Variants in CTNNA3 observed in about 807,000 individuals in gnomAD.
CTNNA3 encodes the protein catenin alpha 3.
Under a neutral mutation model 95.7 loss-of-function variants are expected in CTNNA3, and 76 were observed. The observed-to-expected ratio is 0.79, with a 90% CI of 0.66 to 0.96. The LOEUF (loss-of-function observed/expected upper bound fraction) is 0.96. Ranked by LOEUF, CTNNA3 falls within the 40% of genes least tolerant of loss-of-function variation. The probability of loss-of-function intolerance (pLI) is 0.00; values close to 1 mark genes in which losing one functional copy is unlikely to be tolerated. For missense variants in CTNNA3, 1,191 were observed against 1,089.8 expected (o/e 1.09, Z -1.31); for synonymous variants, 431 against 374.4 (o/e 1.15, Z -1.74).
At chr10:66,872,777 T>C (rs1228030059) in intron 7 of CTNNA3, among the ~76,000 whole-genome samples, 1 of 152,064 alleles carries the variant, frequency 6.6e-6, no homozygotes, top group Non-Finnish European at 1.5e-5. Flanking sequence ...ATCTAGGGTG[T>C]GGATATTCCT....
At chr10:66,027,525 T>C (rs1036109740) in intron 15 of CTNNA3, among the ~76,000 whole-genome samples, 4 of 152,200 alleles carry the variant, frequency 2.6e-5, no homozygotes, top group East Asian at 1.9e-4. Flanking sequence ...ATTTTTCATC[T>C]TGTGAATGCT....
intron 7 of CTNNA3, among the ~76,000 whole-genome samples, chr10:66,930,288 G>C (rs1847301790): frequency 6.6e-6 from 1 of 152,122 alleles, no homozygotes; most frequent in Non-Finnish European, 1.5e-5. Flanking sequence ...ATGAATAATT[G>C]TTGAATATAC....
At chr10:66,065,438 CT>C (rs1469742460) in intron 15 of CTNNA3, among the ~76,000 whole-genome samples, 1 of 152,064 alleles carries the variant, frequency 6.6e-6, no homozygotes, top group African/African-American at 2.4e-5. Context: ...CCTTGAGTCT[CT>C]TTGTTTTTTG....
At chr10:66,092,653 C>T (rs986397446) in intron 14 of CTNNA3, among the ~76,000 whole-genome samples, 1 of 151,872 alleles carries the variant, frequency 6.6e-6, no homozygotes, top group African/African-American at 2.4e-5. Context: ...TAAATTCATG[C>T]CTTGGTGGCA....
chr10:66,976,196 AATT>A (rs1850020689), intron 7 of CTNNA3, among the ~76,000 whole-genome samples: 1 of 152,204 alleles, frequency 6.6e-6, no homozygotes, highest in African/African-American at 2.4e-5. Flanking sequence ...CTCATGAAAT[AATT>A]ATAAGTATTT....
At chr10:67,155,430 TGTTAA>T (rs772892611) in intron 7 of CTNNA3, among the ~76,000 whole-genome samples, 3 of 152,326 alleles carry the variant, frequency 2.0e-5, no homozygotes, top group South Asian at 2.1e-4. Flanking sequence ...GCCAAAGAAA[TGTTAA>T]GTTATCATTA....
At chr10:66,457,884 G>A (rs541291237) in intron 11 of CTNNA3, among the ~76,000 whole-genome samples, 1 of 152,178 alleles carries the variant, frequency 6.6e-6, no homozygotes, top group South Asian at 2.1e-4. Flanking sequence ...AGAGCCTCAG[G>A]CCTCTTCAAA....
chr10:66,331,133 T>C (rs1225151635), intron 12 of CTNNA3, among the ~76,000 whole-genome samples: 1 of 151,942 alleles, frequency 6.6e-6, no homozygotes, highest in East Asian at 1.9e-4. Context: ...AGACATGAAG[T>C]CCTTGCCCAT....
In CTNNA3 at chr10:66,095,735, T is replaced by G. The variant is rs535586784; in HGVS notation, c.1977+7422A>C. Among the ~76,000 whole-genome samples the G allele has an allele frequency of 2.1e-4, 32 of 152,202 alleles. No individual in the cohort carries two copies. In the South Asian group the frequency reaches 4.8e-3, roughly 23 times the overall value. Reference sequence around the variant, plus strand: ...ACACTAAGAACCATCGCAAGTATTTTAAGATTTGATATGCTCCAGTTCATC... The same window carrying G: ...ACACTAAGAACCATCGCAAGTATTTGAAGATTTGATATGCTCCAGTTCATC... On this transcript the variant is annotated intron_variant, in intron 14 of 17. Transcript: ENST00000433211.
chr10:67,237,154 A>G (rs1461693159), intron 5 of CTNNA3, among the ~76,000 whole-genome samples: 36 of 94,250 alleles, frequency 3.8e-4, no homozygotes, highest in African/African-American at 1.5e-3. Flanking sequence ...ATATATATAT[A>G]TATATATATA....
intron 14 of CTNNA3, chr10:66,079,014 C>G (rs2080641307): frequency 6.6e-6 from 1 of 151,832 alleles, no homozygotes; most frequent in Admixed American, 6.6e-5. Flanking sequence ...AGTCTGACCA[C>G]AAAGATGGAA....
At chr10:67,278,774 G>A (rs1381733191) in intron 5 of CTNNA3, among the ~76,000 whole-genome samples, 3 of 152,140 alleles carry the variant, frequency 2.0e-5, no homozygotes, top group Non-Finnish European at 4.4e-5. Flanking sequence ...TCAATTTCAA[G>A]GTATGGCAAG....
chr10:67,704,569 G>A (rs868502465), intron 1 of CTNNA3, among the ~76,000 whole-genome samples: 9 of 152,196 alleles, frequency 5.9e-5, no homozygotes, highest in Middle Eastern at 3.2e-3. Flanking sequence ...AAACTGGCTA[G>A]CCATTTGTAG....
intron 12 of CTNNA3, among the ~76,000 whole-genome samples, chr10:66,330,292 TC>T (rs2092308947): frequency 6.6e-6 from 1 of 151,610 alleles, no homozygotes; most frequent in Admixed American, 6.6e-5. Flanking sequence ...ATTGTTCAAT[TC>T]CTACCTATGA....
intron 7 of CTNNA3, among the ~76,000 whole-genome samples, chr10:67,107,966 A>G (rs1455304304): frequency 5.3e-5 from 8 of 152,168 alleles, no homozygotes; most frequent in Admixed American, 5.2e-4. Flanking sequence ...CTTTTCACCC[A>G]ATAAAACCCT....
chr10:66,895,054 C>CAAAAAAAAA (rs537843933), intron 7 of CTNNA3, among the ~76,000 whole-genome samples: 1,190 of 112,618 alleles, frequency 0.011, 2 homozygotes, highest in East Asian at 0.014. Context: ...AACAAATAAA[C>CAAAAAAAAA]AAAAAAAAAA....
chr10:67,751,405 G>A (rs1841406496), intron 1 of CTNNA3, among the ~76,000 whole-genome samples: 1 of 152,138 alleles, frequency 6.6e-6, no homozygotes, highest in Non-Finnish European at 1.5e-5. Context: ...GTTCAACTAG[G>A]ATCAGAGTAT....
chr10:66,100,133 G>T (rs2081559443), intron 14 of CTNNA3, among the ~76,000 whole-genome samples: 1 of 152,098 alleles, frequency 6.6e-6, no homozygotes, highest in East Asian at 1.9e-4. Context: ...AGCCTGGGAA[G>T]AACGAATCAG....
At chr10:66,318,276 A>ATGTGTGTGTGTGTGTGTG (rs138734509) in intron 12 of CTNNA3, among the ~76,000 whole-genome samples, 9 of 136,602 alleles carry the variant, frequency 6.6e-5, no homozygotes, top group African/African-American at 2.4e-4. Flanking sequence ...ATATATATAT[A>ATGTGTGTGTGTGTGTGTG]TGTGTGTGTG....
Sources: gnomAD v4.1 joint callset for allele counts (sites outside exome capture counted in the v4.1 genomes callset) on GRCh38, gnomAD v4.1.1 for gene constraint, MANE v1.5 for transcripts, NCBI Gene and HGNC (gene_info 2026-07-23, HGNC 2026-07-21) for gene names.